Variants in OR9K2 observed in about 807,000 individuals in gnomAD.
OR9K2 encodes the protein olfactory receptor family 9 subfamily K member 2.
Under a neutral mutation model 12.4 loss-of-function variants are expected in OR9K2, and 16 were observed. The observed-to-expected ratio is 1.29, with a 90% CI of 0.87 to 1.95. The LOEUF is 1.95. OR9K2 is among the 30% of genes most tolerant of loss of function. The probability of loss-of-function intolerance (pLI) is 0.00; values close to 1 mark genes in which losing one functional copy is unlikely to be tolerated. For missense variants in OR9K2, 434 were observed against 376.5 expected (o/e 1.15, Z -1.26); for synonymous variants, 133 against 133.2 (o/e 1.00, Z 0.01).
Position 55,130,599 on chromosome 12 carries a change from T to C in OR9K2, c.765T>C (p.Tyr255=), listed in dbSNP as rs766098470. ...SSHLGVVSVL[Y]GAVFFMYLTP... Reference sequence around the variant, plus strand: ...ACCTGGGAGTTGTGAGTGTGCTGTATGGTGCTGTCTTTTTTATGTATCTCA... The same window carrying C: ...ACCTGGGAGTTGTGAGTGTGCTGTACGGTGCTGTCTTTTTTATGTATCTCA... The change falls in exon 3 of 3, where the codon TAT becomes TAC. Residue 255 remains tyrosine, a synonymous_variant. Transcript: ENST00000641329. The C allele has an allele frequency of 2.5e-6, 4 of 1,613,970 alleles. No homozygotes were observed. In the South Asian group the frequency reaches 3.3e-5, roughly 13 times the overall value.
Position 55,126,511 on chromosome 12 carries a change from C to G in OR9K2, c.-99C>G, listed in dbSNP as rs1953429127. The G allele has an allele frequency of 6.6e-6, 1 of 152,052 alleles. No homozygotes were observed. Among genetic ancestry groups the G allele is most frequent in the Admixed American group, 6.6e-5 (1 of 15,252 alleles). 9.4% of individuals were successfully genotyped at this position (152,052 alleles called of 1,614,324 possible). On this transcript the variant is annotated 5_prime_UTR_variant, in exon 1 of 3. Coordinates refer to ENST00000641329, the MANE Select transcript of OR9K2 (RefSeq NM_001005243.2). ...ATAGATAATATCTTGTGGATTGATT[C>G]CTCAGGTTCACTTTGCTTATCTATA...
At chr12:55,129,173 T>C (rs573271668) in intron 2 of OR9K2, among the ~76,000 whole-genome samples, 5 of 152,302 alleles carry the variant, frequency 3.3e-5, no homozygotes, top group Non-Finnish European at 7.4e-5. Context: ...GAAAGTGCTT[T>C]GATGGCCCAT....
intron 2 of OR9K2, among the ~76,000 whole-genome samples, chr12:55,128,773 G>A (rs530669419): frequency 5.9e-4 from 90 of 152,256 alleles, no homozygotes; most frequent in African/African-American, 2.0e-3. Context: ...GTTAATAATG[G>A]CTACAAAAGT....
At chr12:55,127,740 CTAATAAG>C (rs1197624069) in intron 2 of OR9K2, among the ~76,000 whole-genome samples, 1 of 151,900 alleles carries the variant, frequency 6.6e-6, no homozygotes, top group Non-Finnish European at 1.5e-5. Flanking sequence ...GGTTTTCAAC[CTAATAAG>C]CACTATTTGG....
chr12:55,129,717 A>G (rs1007027321), intron 2 of OR9K2, 109 bp from the exon 3 acceptor site: 5 of 1,336,610 alleles, frequency 3.7e-6, no homozygotes, highest in Non-Finnish European at 5.2e-6. Context: ...TAATAATAAC[A>G]TTAATTTAAA....
intron 2 of OR9K2, among the ~76,000 whole-genome samples, chr12:55,127,978 G>C (rs1953440272): frequency 6.6e-6 from 1 of 151,998 alleles, no homozygotes; most frequent in South Asian, 2.1e-4. Context: ...TTTAGAAAGT[G>C]AGAGAAGCAG....
chr12:55,129,321 G>A lies in OR9K2; in HGVS notation c.-9-505G>A, dbSNP rs555881795. On this transcript the variant is annotated intron_variant, in intron 2 of 2. Coordinates refer to ENST00000641329, the MANE Select transcript of OR9K2 (RefSeq NM_001005243.2). ...AAAGGTAATTGCACTTCTCAAGTAG[G>A]TTTTTTTTTTTAACTCAGTCACTTC... Among the ~76,000 whole-genome samples the A allele has an allele frequency of 1.3e-4, 19 of 147,536 alleles. No individual in the cohort carries two copies. The Admixed American group carries it at 1.3e-3, about 10-fold the overall frequency.
chr12:55,130,010 A>G lies in OR9K2; in HGVS notation c.176A>G (p.Asn59Ser). ...MTIIMTDPRL[N>S]TPMYFFLGNL... ...ATTATTATGACTGATCCTCGGCTGAACACACCAATGTATTTTTTCCTAGGC... is the reference window on the plus strand; with the variant it reads ...ATTATTATGACTGATCCTCGGCTGAGCACACCAATGTATTTTTTCCTAGGC... The change falls in exon 3 of 3, where the codon AAC (asparagine) becomes AGC (serine). Residue 59 changes from asparagine to serine, a missense_variant. Coordinates refer to ENST00000641329, the MANE Select transcript of OR9K2 (RefSeq NM_001005243.2). 6.2e-7 allele frequency: 1 copy of G among 1,613,744 alleles called. No homozygotes were observed. The highest frequency in any genetic ancestry group is 8.5e-7 in the Non-Finnish European group (1 of 1,179,968).
Position 55,129,844 on chromosome 12 carries a change from A to G in OR9K2, c.10A>G (p.Arg4Gly). MGDRGTSNHSEMTD... is the reference protein window; with the variant it reads MGDGGTSNHSEMTD... ...TCAACAGGTTTCTACCATGGGTGAC[A>G]GGGGAACAAGCAATCACTCAGAAAT... The change falls in exon 3 of 3, where the codon AGG becomes GGG. Residue 4 changes from arginine (R) to glycine (G), a missense_variant. Physicochemically the swap from Arg to Gly is moderately radical, Grantham distance 125 (BLOSUM62 -2). Transcript: ENST00000641329. The G allele has an allele frequency of 6.2e-7, 1 of 1,613,602 alleles. No homozygotes were observed.
chr12:55,130,404 G>A lies in OR9K2; in HGVS notation c.570G>A (p.Leu190=), dbSNP rs775613679. ...FYCDSRPLQR[L]SCSDLFIHRM... is the part of the protein sequence containing the mutation. ...GTGATTCTCGCCCACTTCAGAGACT[G>A]TCTTGTTCTGATCTCTTTATCCATA... The change falls in exon 3 of 3, where the codon CTG becomes CTA. Residue 190 remains leucine, a synonymous_variant. Coordinates refer to ENST00000641329, the MANE Select transcript of OR9K2 (RefSeq NM_001005243.2). 31 of 1,613,908 alleles carry A rather than the reference G, an allele frequency of 1.9e-5. No homozygotes were observed. The highest frequency in any genetic ancestry group is 2.5e-5 in the Non-Finnish European group (29 of 1,179,920).
intron 2 of OR9K2, 158 bp from the exon 3 acceptor site, chr12:55,129,668 G>T: frequency 1.3e-6 from 1 of 797,610 alleles, no homozygotes; most frequent in South Asian, 1.8e-5. Flanking sequence ...AACAGCAATT[G>T]ATTGGCTTTA....
Position 55,130,647 on chromosome 12 carries a change from G to A in OR9K2, c.813G>A (p.Leu271=). 1 of 1,613,790 alleles carries A rather than the reference G, an allele frequency of 6.2e-7. No individual in the cohort carries two copies. Among genetic ancestry groups the A allele is most frequent in the Non-Finnish European group, 8.5e-7 (1 of 1,179,820 alleles). The change falls in exon 3 of 3, where the codon CTG becomes CTA. Residue 271 remains leucine (L), a synonymous_variant. Coordinates refer to ENST00000641329, the MANE Select transcript of OR9K2 (RefSeq NM_001005243.2). ...MYLTPDRFPE[L]SKVASLCYSL... ...TCACTCCTGACAGATTTCCTGAGCT[G>A]AGTAAAGTGGCATCCTTATGTTACT... is the stretch of plus-strand genomic sequence containing the variant.
rs537777416 is a variant in OR9K2, at chr12:55,132,534, G to A, written c.*1758G>A. ...AGCCATCTGCAAGCTAAGGAAAGAG[G>A]GCTCAGAGAAAACCAACTCTGCTGA... On this transcript the variant is annotated 3_prime_UTR_variant, in exon 3 of 3. Coordinates refer to ENST00000641329, the MANE Select transcript of OR9K2 (RefSeq NM_001005243.2). 7 of 152,210 alleles carry A rather than the reference G, an allele frequency of 4.6e-5. No homozygotes were observed. Among genetic ancestry groups the A allele is most frequent in the Non-Finnish European group, 8.8e-5 (6 of 68,070 alleles). The allele number at this position is 152,210 out of a possible 1,614,324, so 9.4% of individuals were successfully genotyped here. A position where few individuals can be genotyped will look rare whatever the true frequency, so the allele number is the denominator to read the frequency against.
At chr12:55,129,098 C>A (rs1953449062) in intron 2 of OR9K2, among the ~76,000 whole-genome samples, 1 of 152,036 alleles carries the variant, frequency 6.6e-6, no homozygotes, top group Non-Finnish European at 1.5e-5. Flanking sequence ...CACTTGCACC[C>A]CTGAACTTAG....
Position 55,129,542 on chromosome 12 carries a change from G to A in OR9K2, c.-9-284G>A, listed in dbSNP as rs1280637752. On this transcript the variant is annotated intron_variant, in intron 2 of 2. Coordinates refer to ENST00000641329, the MANE Select transcript of OR9K2 (RefSeq NM_001005243.2). The stretch of plus-strand genomic sequence containing the variant: ...TCATGAGTGGGAAATGTATAAAGAA[G>A]TGATACTTGGAAATGTGAAAGGCAT... The A allele has an allele frequency of 2.1e-5, 11 of 518,514 alleles. No homozygotes were observed. The Admixed American group carries it at 3.5e-4, about 17-fold the overall frequency. The allele number at this position is 518,514 out of a possible 1,614,324, so 32.1% of individuals were successfully genotyped here.
rs1435634091 is a variant in OR9K2 at position 55,130,164 on chromosome 12, C to G, written c.330C>G (p.Leu110=). 10 of 1,614,090 alleles carry G rather than the reference C, an allele frequency of 6.2e-6. No individual in the cohort carries two copies. The East Asian group carries it at 2.2e-4, about 36-fold the overall frequency. ...CVAQLFLFAL[L]IVTEGFLLAA... ...CCCAGCTCTTTCTCTTTGCCCTCCTCATTGTGACTGAGGGATTTCTCCTGG... is the reference window on the plus strand; with the variant it reads ...CCCAGCTCTTTCTCTTTGCCCTCCTGATTGTGACTGAGGGATTTCTCCTGG... The change falls in exon 3 of 3, where the codon CTC becomes CTG. Residue 110 remains leucine (L), a synonymous_variant. Transcript: ENST00000641329.
chr12:55,130,369 C>A lies in OR9K2; in HGVS notation c.535C>A (p.His179Asn). Residue 179 changes from histidine (H) to asparagine (N), a missense_variant, in exon 3 of 3, where the codon CAC becomes AAC. Coordinates refer to ENST00000641329, the MANE Select transcript of OR9K2 (RefSeq NM_001005243.2). ...TTTTTGCGCTTCTCGGGCTGTTGAC[C>A]ACTTTTACTGTGATTCTCGCCCACT... ...LSFCASRAVDHFYCDSRPLQR... is the reference protein window; with the variant it reads ...LSFCASRAVDNFYCDSRPLQR... 1 of 1,613,978 alleles carries A rather than the reference C, an allele frequency of 6.2e-7. No homozygotes were observed. Among genetic ancestry groups the A allele is most frequent in the Non-Finnish European group, 8.5e-7 (1 of 1,179,946 alleles).
At position 55,132,534 on chromosome 12, in the gene OR9K2, G is replaced by T. The variant is rs537777416; in HGVS notation, c.*1758G>T. 3.7e-4 allele frequency: 57 copies of T among 152,328 alleles called. No homozygotes were observed. The highest frequency in any genetic ancestry group is 1.3e-3 in the African/African-American group (55 of 41,552). The allele number at this position is 152,328 out of a possible 1,614,324, so 9.4% of individuals were successfully genotyped here. On this transcript the variant is annotated 3_prime_UTR_variant, in exon 3 of 3. Coordinates refer to ENST00000641329, the MANE Select transcript of OR9K2 (RefSeq NM_001005243.2). ...AGCCATCTGCAAGCTAAGGAAAGAG[G>T]GCTCAGAGAAAACCAACTCTGCTGA...
At position 55,126,820 on chromosome 12, in the gene OR9K2, C is replaced by A. The variant is rs1444350724; in HGVS notation, c.-93-8C>A. 1.3e-5 allele frequency: 2 copies of A among 151,868 alleles called. No homozygotes were observed. The highest frequency in any genetic ancestry group is 4.8e-5 in the African/African-American group (2 of 41,348). The allele number at this position is 151,868 out of a possible 1,614,324, so 9.4% of individuals were successfully genotyped here. On this transcript the variant is annotated splice_polypyrimidine_tract_variant and splice_region_variant and intron_variant, in intron 1 of 2. Transcript: ENST00000641329. ...GTCATTAATTAACTTTATGTTTATC[C>A]TTTCTAGAATTAAAACAATAAACAG...
Sources: allele counts gnomAD v4.1 joint callset (sites outside exome capture counted in the v4.1 genomes callset), GRCh38; gene constraint gnomAD v4.1.1; transcripts MANE v1.5; gene names NCBI Gene and HGNC (gene_info 2026-07-23, HGNC 2026-07-21).